Variants in IL6R observed in about 807,000 individuals in gnomAD.
IL6R encodes interleukin-6 receptor subunit alpha.
In IL6R, 38 loss-of-function variants were observed where a neutral mutation model predicts 48.3. The ratio of observed to expected loss-of-function variants is 0.79; its 90% CI spans 0.61 to 1.03. The LOEUF is 1.03. Among genes scored for constraint, IL6R ranks in the 50% least tolerant of loss-of-function variants. The probability of loss-of-function intolerance (pLI) is 0.00; values close to 1 mark genes in which losing one functional copy is unlikely to be tolerated. For missense variants in IL6R, 534 were observed against 618.3 expected, an observed-to-expected ratio of 0.86 and a Z score of 1.45; for synonymous variants, 264 against 256.2, an observed-to-expected ratio of 1.03 and a Z score of -0.29.
intron 1 of IL6R, among the ~76,000 whole-genome samples, chr1:154,422,912 C>T (rs1054504160): frequency 5.3e-5 from 8 of 152,090 alleles, no homozygotes; most frequent in Non-Finnish European, 1.2e-4. Flanking sequence ...TTGGTAGGGC[C>T]TACTTAGGGA....
At chr1:154,460,355 A>T (rs1691175438) in intron 9 of IL6R, among the ~76,000 whole-genome samples, 1 of 152,210 alleles carries the variant, frequency 6.6e-6, no homozygotes, top group East Asian at 1.9e-4. Context: ...TGATTTTCAG[A>T]AAAGAATTCA....
At chr1:154,440,416 T>G (rs1689868521) in intron 6 of IL6R, among the ~76,000 whole-genome samples, 3 of 152,232 alleles carry the variant, frequency 2.0e-5, no homozygotes, top group Admixed American at 2.0e-4. Context: ...GTGTATATAC[T>G]CAGAATTATA....
At chr1:154,464,778 G>C (rs1410124149) in intron 9 of IL6R, among the ~76,000 whole-genome samples, 2 of 151,954 alleles carry the variant, frequency 1.3e-5, no homozygotes, top group African/African-American at 4.8e-5. Context: ...GAGCAACATG[G>C]CAAAACCCTG....
chr1:154,413,236 G>A (rs1252576251), intron 1 of IL6R, among the ~76,000 whole-genome samples: 7 of 152,118 alleles, frequency 4.6e-5, no homozygotes, highest in African/African-American at 1.7e-4. Flanking sequence ...TCCTGACCTC[G>A]TGATCCACCC....
intron 1 of IL6R, among the ~76,000 whole-genome samples, chr1:154,406,788 G>A (rs1372895405): frequency 1.3e-5 from 2 of 152,158 alleles, no homozygotes; most frequent in Non-Finnish European, 2.9e-5. Flanking sequence ...CTTTTTGGAT[G>A]GTTGTGGTCC....
chr1:154,436,277 G>A (rs1405395050), intron 6 of IL6R, among the ~76,000 whole-genome samples, 167 bp downstream of exon 6: 1 of 152,120 alleles, frequency 6.6e-6, no homozygotes, highest in Non-Finnish European at 1.5e-5. Flanking sequence ...GATTGCCTGA[G>A]GTCAGCCTGG....
At chr1:154,428,929 T>A (rs1188083567) in intron 1 of IL6R, among the ~76,000 whole-genome samples, 3 of 152,124 alleles carry the variant, frequency 2.0e-5, no homozygotes, top group Non-Finnish European at 4.4e-5. Flanking sequence ...CTTCATCTTG[T>A]GGATGGTGGC....
At chr1:154,444,238 C>T (rs554400957) in intron 6 of IL6R, among the ~76,000 whole-genome samples, 8 of 129,486 alleles carry the variant, frequency 6.2e-5, no homozygotes, top group African/African-American at 2.1e-4. Flanking sequence ...AACGGAGTTT[C>T]GCTCTTGTTG....
chr1:154,464,281 A>G (rs1691425871), intron 9 of IL6R, among the ~76,000 whole-genome samples: 1 of 151,730 alleles, frequency 6.6e-6, no homozygotes. Flanking sequence ...CAGCCTCCCA[A>G]GTATCTGGGA....
At chr1:154,422,682 C>T (rs970504638) in intron 1 of IL6R, among the ~76,000 whole-genome samples, 4 of 152,206 alleles carry the variant, frequency 2.6e-5, no homozygotes, top group South Asian at 2.1e-4. Flanking sequence ...ACAAATGCTC[C>T]GTTGATTGTG....
At chr1:154,436,426 C>G (rs982137277) in intron 6 of IL6R, among the ~76,000 whole-genome samples, 1 of 152,114 alleles carries the variant, frequency 6.6e-6, no homozygotes, top group African/African-American at 2.4e-5. Flanking sequence ...TGCAGTGAGC[C>G]GAAATCGCGC....
At chr1:154,409,897 T>C (rs1213073751) in intron 1 of IL6R, among the ~76,000 whole-genome samples, 3 of 152,094 alleles carry the variant, frequency 2.0e-5, no homozygotes, top group East Asian at 3.8e-4. Context: ...GCATGGTGCC[T>C]TGGATGGGAG....
chr1:154,426,747 GTAT>G (rs1367911078), intron 1 of IL6R, among the ~76,000 whole-genome samples: 3 of 152,030 alleles, frequency 2.0e-5, no homozygotes, highest in African/African-American at 7.2e-5. Context: ...CATGTATTCA[GTAT>G]TATGTAATAC....
chr1:154,412,464 G>A (rs1427789047), intron 1 of IL6R, among the ~76,000 whole-genome samples: 4 of 151,756 alleles, frequency 2.6e-5, no homozygotes, highest in Non-Finnish European at 5.9e-5. Context: ...CACCATGTTG[G>A]CCAGGCTGGT....
In IL6R at chr1:154,419,098, C is replaced by T. The variant is rs956178924; in HGVS notation, c.86-10098C>T. 3.3e-5 allele frequency among the ~76,000 whole-genome samples: 5 copies of T among 152,078 alleles called. No individual in the cohort carries two copies. In the South Asian group the frequency reaches 8.3e-4, roughly 25 times the overall value. On this transcript the variant is annotated intron_variant, in intron 1 of 9. Coordinates refer to ENST00000368485, the MANE Select transcript of IL6R (RefSeq NM_000565.4). ...TTTGGCCAGGCTCATCTGGGTCCAG[C>T]GTGGATTCCCTCATGCATGAGCTGT...
chr1:154,455,905 A>C (rs889559115), intron 9 of IL6R, among the ~76,000 whole-genome samples: 6 of 151,958 alleles, frequency 3.9e-5, no homozygotes, highest in Admixed American at 2.6e-4. Flanking sequence ...AAAAATACAA[A>C]AATTTGCTGG....
intron 6 of IL6R, among the ~76,000 whole-genome samples, chr1:154,444,745 A>T (rs569721150): frequency 2.6e-5 from 4 of 151,476 alleles, no homozygotes; most frequent in South Asian, 2.1e-4. Context: ...AAAAAAAGTT[A>T]AAAAAAAATT....
At chr1:154,459,091 A>T (rs1691094634) in intron 9 of IL6R, among the ~76,000 whole-genome samples, 1 of 152,066 alleles carries the variant, frequency 6.6e-6, no homozygotes, top group Admixed American at 6.5e-5. Context: ...CATGGTCCCC[A>T]CCTGCTATTG....
In IL6R at chr1:154,422,239, G is replaced by A. The variant is rs555246614; in HGVS notation, c.86-6957G>A. Reference sequence around the variant, plus strand: ...TTACAGGCGTGAGCCACGGCGCCTGGTGACTCAGTTCTTAATGCCTTGCAT... The same window carrying A: ...TTACAGGCGTGAGCCACGGCGCCTGATGACTCAGTTCTTAATGCCTTGCAT... On this transcript the variant is annotated intron_variant, in intron 1 of 9. Transcript: ENST00000368485. Among the ~76,000 whole-genome samples the A allele has an allele frequency of 8.5e-5, 13 of 152,338 alleles. No individual in the cohort carries two copies. The South Asian group carries it at 2.5e-3, about 29-fold the overall frequency.
Sources: allele counts gnomAD v4.1 joint callset (sites outside exome capture counted in the v4.1 genomes callset), GRCh38; gene constraint gnomAD v4.1.1; transcripts MANE v1.5; gene names NCBI Gene and HGNC (gene_info 2026-07-23, HGNC 2026-07-21).